WDR17: variants seen among roughly 807,000 people sequenced by gnomAD.
The protein encoded by WDR17 is WD repeat-containing protein 17.
WDR17 carries 143 observed loss-of-function variants against 161.7 expected under a neutral mutation model. The ratio of observed to expected loss-of-function variants is 0.88; its 90% CI spans 0.77 to 1.02. The LOEUF is 1.02. Ranked by LOEUF, WDR17 falls within the 50% of genes least tolerant of loss-of-function variation. The pLI, the probability that WDR17 is intolerant of heterozygous loss-of-function variation, is 0.00. For missense variants in WDR17, 1,469 were observed against 1,520.9 expected (o/e 0.97, Z 0.57); for synonymous variants, 517 against 515.6 (o/e 1.00, Z -0.04).
chr4:176,145,351 C>T lies in WDR17; in HGVS notation c.1530-644C>T, dbSNP rs1356089490. On this transcript the variant is annotated intron_variant, in intron 11 of 28. Coordinates refer to ENST00000508596, the MANE Select transcript of WDR17 (RefSeq NM_181265.4). ...TATTGTGAGAATACTGAGCAAAGAA[C>T]ATTAAAAGATCAAATTCTATTTCCA... Among the ~76,000 whole-genome samples, 7 of 152,166 alleles carry T rather than the reference C, an allele frequency of 4.6e-5. No homozygotes were observed. In the East Asian group the frequency reaches 1.4e-3, roughly 29 times the overall value.
At chr4:176,085,010 A>G (rs1735249734) in intron 1 of WDR17, among the ~76,000 whole-genome samples, 1 of 151,686 alleles carries the variant, frequency 6.6e-6, no homozygotes, top group Admixed American at 6.6e-5. Context: ...TAGCTTTATA[A>G]TGGATAGTAT....
rs1415523700 is a variant in WDR17, at chr4:176,159,976, C to T, written c.2526-18C>T. On this transcript the variant is annotated intron_variant, in intron 18 of 28. Transcript: ENST00000508596. ...TCAAAATAATATATTGTTTAAAAAA[C>T]TGTCCTTATTTTATTAGGAGAGCTG... The T allele has an allele frequency of 6.4e-7, 1 of 1,564,550 alleles. No homozygotes were observed. Among genetic ancestry groups the T allele is most frequent in the South Asian group, 1.2e-5 (1 of 82,060 alleles).
At chr4:176,090,068 A>G (rs1735920293) in intron 1 of WDR17, among the ~76,000 whole-genome samples, 1 of 152,068 alleles carries the variant, frequency 6.6e-6, no homozygotes, top group African/African-American at 2.4e-5. Flanking sequence ...ATATTAGAGT[A>G]GGGCAGTGCT....
At chr4:176,085,684 T>A (rs1239465487) in intron 1 of WDR17, among the ~76,000 whole-genome samples, 2 of 151,992 alleles carry the variant, frequency 1.3e-5, no homozygotes, top group Non-Finnish European at 2.9e-5. Flanking sequence ...GATATTTGTG[T>A]TTGTTCTGTA....
At position 176,139,896 on chromosome 4, in the gene WDR17, G is replaced by A. The variant is rs958529149; in HGVS notation, c.1364G>A (p.Gly455Glu). The A allele has an allele frequency of 6.2e-7, 1 of 1,606,276 alleles. No homozygotes were observed. Among genetic ancestry groups the A allele is most frequent in the Non-Finnish European group, 8.5e-7 (1 of 1,176,994 alleles). ...GGTATTTTACATTTTTTGAAGCATG[G>A]AACAAATGGAATATTCTGCATTGCC... ...GKIIQRFNEH[G>E]TNGIFCIAWS... Residue 455 changes from glycine to glutamate, a missense_variant, in exon 10 of 29, where the codon GGA becomes GAA. Gly to Glu is a moderately conservative substitution (Grantham distance 98). Coordinates refer to ENST00000508596, the MANE Select transcript of WDR17 (RefSeq NM_181265.4).
At position 176,081,820 on chromosome 4, in the gene WDR17, C is replaced by CT. The variant is rs1398408889; in HGVS notation, c.-7+15742dup. 2.0e-5 allele frequency among the ~76,000 whole-genome samples: 3 copies of CT among 152,240 alleles called. No homozygotes were observed. The East Asian group carries it at 5.8e-4, about 29-fold the overall frequency. On this transcript the variant is annotated intron_variant, in intron 1 of 28. Transcript: ENST00000508596. ...GGATCAGATGCCCACACCTAGGCCT[C>CT]TAATTGTCCAGATGATGAAATTACT...
At chr4:176,167,664 A>ACAACAAC (rs1554036554) in intron 22 of WDR17, among the ~76,000 whole-genome samples, 2,341 of 146,908 alleles carry the variant, frequency 0.016, 210 homozygotes, top group African/African-American at 0.055. Flanking sequence ...AAAAAAAAAA[A>ACAACAAC]AAAAAAAACA....
chr4:176,151,377 T>C (rs1466917274), intron 16 of WDR17, among the ~76,000 whole-genome samples: 1 of 152,054 alleles, frequency 6.6e-6, no homozygotes, highest in Non-Finnish European at 1.5e-5. Context: ...GTTCAATCTC[T>C]CCCCTCCCGT....
intron 1 of WDR17, among the ~76,000 whole-genome samples, chr4:176,086,888 A>G (rs1561078448): frequency 1.3e-5 from 2 of 151,744 alleles, no homozygotes; most frequent in Non-Finnish European, 2.9e-5. Flanking sequence ...TGCTGATAGT[A>G]TGTTTATTTA....
Position 176,131,718 on chromosome 4 carries a change from T to G in WDR17, c.1078T>G (p.Trp360Gly). The change falls in exon 7 of 29, where the codon TGG becomes GGG. Residue 360 changes from tryptophan (W) to glycine (G), a missense_variant. Transcript: ENST00000508596. ...ACTTTATGATATGGGAGCTAAGAAG[T>G]GGGATTTTCTTAGAGACTTGGTATG... ...VGLYDMGAKKWDFLRDLGHVE... is the reference protein window; with the variant it reads ...VGLYDMGAKKGDFLRDLGHVE... 6.2e-7 allele frequency: 1 copy of G among 1,611,052 alleles called. No homozygotes were observed. The highest frequency in any genetic ancestry group is 8.5e-7 in the Non-Finnish European group (1 of 1,178,802).
At chr4:176,089,880 G>A (rs1735897227) in intron 1 of WDR17, among the ~76,000 whole-genome samples, 1 of 151,936 alleles carries the variant, frequency 6.6e-6, no homozygotes, top group Non-Finnish European at 1.5e-5. Context: ...AGACAAATGA[G>A]GTTTGCTTTT....
intron 1 of WDR17, chr4:176,111,255 T>G (rs1382116511): frequency 5.9e-6 from 1 of 169,770 alleles, no homozygotes; most frequent in African/African-American, 2.4e-5. Flanking sequence ...TCAGTGATAC[T>G]ATTAATATAG....
intron 16 of WDR17, 34 bp downstream of exon 16, chr4:176,150,627 C>A: frequency 6.5e-7 from 1 of 1,539,880 alleles, no homozygotes; most frequent in Admixed American, 2.2e-5. Flanking sequence ...TGTACTCAAG[C>A]AAATTTTTTG....
intron 11 of WDR17, among the ~76,000 whole-genome samples, chr4:176,143,174 C>G (rs535546128): frequency 1.3e-5 from 2 of 152,328 alleles, no homozygotes; most frequent in African/African-American, 4.8e-5. Flanking sequence ...CCACCACGCC[C>G]GGCCTTACAC....
chr4:176,151,857 G>T lies in WDR17; in HGVS notation c.2350G>T (p.Gly784Cys). 1 of 1,608,792 alleles carries T rather than the reference G, an allele frequency of 6.2e-7. No homozygotes were observed. The highest frequency in any genetic ancestry group is 8.5e-7 in the Non-Finnish European group (1 of 1,178,310). The change falls in exon 17 of 29, where the codon GGT (glycine) becomes TGT (cysteine). Residue 784 changes from glycine to cysteine, a missense_variant. Gly to Cys is a radical substitution (Grantham distance 159). Coordinates refer to ENST00000508596, the MANE Select transcript of WDR17 (RefSeq NM_181265.4). Reference sequence around the variant, plus strand: ...AACAGTCAAGATGTCTAAATTTGGTGGTGGTATTGGTGTACCTGCTAAAGA... The same window carrying T: ...AACAGTCAAGATGTCTAAATTTGGTTGTGGTATTGGTGTACCTGCTAAAGA... ...LTTVKMSKFG[G>C]GIGVPAKEER...
intron 12 of WDR17, 66 bp from the exon 13 acceptor site, chr4:176,148,067 A>C (rs1184204064): frequency 7.2e-7 from 1 of 1,384,258 alleles, no homozygotes. Flanking sequence ...CTCTATTAAG[A>C]ATATGTTAAT....
chr4:176,162,490 C>A (rs991683566), intron 21 of WDR17, among the ~76,000 whole-genome samples: 1 of 152,122 alleles, frequency 6.6e-6, no homozygotes, highest in Non-Finnish European at 1.5e-5. Flanking sequence ...GACGTAGACA[C>A]AAAATATCTG....
chr4:176,077,393 AC>A (rs1734191956), intron 1 of WDR17, among the ~76,000 whole-genome samples: 1 of 128,732 alleles, frequency 7.8e-6, no homozygotes, highest in Non-Finnish European at 1.8e-5. Context: ...GTACATTTAT[AC>A]ATACGTCCTG....
chr4:176,178,917 A>AT (rs1190651285), intron 28 of WDR17, among the ~76,000 whole-genome samples: 2 of 152,330 alleles, frequency 1.3e-5, no homozygotes, highest in East Asian at 3.9e-4. Flanking sequence ...ACCCTGGCAT[A>AT]TATCATAACT....
Sources: allele counts gnomAD v4.1 joint callset (sites outside exome capture counted in the v4.1 genomes callset), GRCh38; gene constraint gnomAD v4.1.1; transcripts MANE v1.5; gene names NCBI Gene and HGNC (gene_info 2026-07-23, HGNC 2026-07-21).